Variants in EPHA5 observed in about 807,000 individuals in gnomAD.
The protein encoded by EPHA5 is EPH receptor A5.
In EPHA5, 60 loss-of-function variants were observed where a neutral mutation model predicts 105.0. That is an observed-to-expected ratio of 0.57 (90% CI 0.46 to 0.71). EPHA5 has a LOEUF of 0.71. EPHA5 is among the 30% of genes least tolerant of loss of function. EPHA5 has a pLI of 0.00. For missense variants in EPHA5, 1,218 were observed against 1,274.7 expected, an observed-to-expected ratio of 0.96 and a Z score of 0.68; for synonymous variants, 513 against 449.1, an observed-to-expected ratio of 1.14 and a Z score of -1.80.
intron 5 of EPHA5, among the ~76,000 whole-genome samples, chr4:65,428,271 C>T (rs1038934220): frequency 1.3e-5 from 2 of 151,902 alleles, no homozygotes; most frequent in Admixed American, 6.6e-5. Flanking sequence ...CACAAATGTG[C>T]AATATTATAC....
intron 2 of EPHA5, among the ~76,000 whole-genome samples, chr4:65,622,753 A>G (rs1194006388): frequency 1.3e-5 from 2 of 152,066 alleles, no homozygotes; most frequent in Non-Finnish European, 2.9e-5. Flanking sequence ...ACTCCTGTAT[A>G]AATTCTAGGT....
intron 6 of EPHA5, among the ~76,000 whole-genome samples, chr4:65,415,563 T>G (rs2149024570): frequency 1.3e-5 from 2 of 152,084 alleles, no homozygotes; most frequent in Middle Eastern, 6.8e-3. Context: ...GGTCCAAAAT[T>G]CTCTCTAAAT....
At chr4:65,335,714 C>T (rs1721107045) in intron 15 of EPHA5, among the ~76,000 whole-genome samples, 1 of 151,934 alleles carries the variant, frequency 6.6e-6, no homozygotes, top group Admixed American at 6.6e-5. Flanking sequence ...CCTGGCATGT[C>T]ACACTATTAG....
intron 5 of EPHA5, among the ~76,000 whole-genome samples, chr4:65,466,150 A>G (rs1036460027): frequency 2.6e-5 from 4 of 152,264 alleles, no homozygotes; most frequent in African/African-American, 9.6e-5. Context: ...GTGTGTACAC[A>G]TATGCACATA....
At chr4:65,443,234 G>A (rs1412000494) in intron 5 of EPHA5, among the ~76,000 whole-genome samples, 1 of 151,930 alleles carries the variant, frequency 6.6e-6, no homozygotes, top group Non-Finnish European at 1.5e-5. Flanking sequence ...TTTTTAAAAA[G>A]TGTATCCATA....
At chr4:65,558,677 A>C (rs557226429) in intron 3 of EPHA5, among the ~76,000 whole-genome samples, 1 of 151,886 alleles carries the variant, frequency 6.6e-6, no homozygotes, top group African/African-American at 2.4e-5. Flanking sequence ...ATATCTCCTA[A>C]TGCTCCCTCC....
intron 8 of EPHA5, among the ~76,000 whole-genome samples, chr4:65,389,105 G>T (rs1288519758): frequency 6.6e-6 from 1 of 152,000 alleles, no homozygotes; most frequent in Admixed American, 6.6e-5. Context: ...CTTAAAAGTT[G>T]TCTGAGGAAG....
intron 11 of EPHA5, among the ~76,000 whole-genome samples, chr4:65,358,280 A>C (rs1303912400): frequency 6.6e-6 from 1 of 151,526 alleles, no homozygotes; most frequent in Non-Finnish European, 1.5e-5. Context: ...ATACCACTTA[A>C]GGCTATCAGT....
intron 2 of EPHA5, among the ~76,000 whole-genome samples, chr4:65,640,482 G>T (rs944228202): frequency 7.3e-5 from 11 of 151,578 alleles, no homozygotes; most frequent in African/African-American, 2.7e-4. Flanking sequence ...GAGACAGGGT[G>T]TCCCCGTGTT....
chr4:65,324,718 C>T (rs1719909683), intron 16 of EPHA5, among the ~76,000 whole-genome samples: 3 of 147,710 alleles, frequency 2.0e-5, no homozygotes, highest in Non-Finnish European at 4.5e-5. Flanking sequence ...ATCACCACTA[C>T]ATTGCTTTTA....
intron 5 of EPHA5, among the ~76,000 whole-genome samples, chr4:65,427,705 A>G (rs1479595544): frequency 1.3e-5 from 2 of 152,200 alleles, no homozygotes; most frequent in Non-Finnish European, 1.5e-5. Flanking sequence ...ATTTCCAGAG[A>G]AACATGGGAA....
At chr4:65,360,364 T>C (rs1006665213) in intron 11 of EPHA5, among the ~76,000 whole-genome samples, 2 of 151,632 alleles carry the variant, frequency 1.3e-5, no homozygotes, top group African/African-American at 4.8e-5. Context: ...TAAATGAATG[T>C]TTCTTGTCAA....
intron 2 of EPHA5, among the ~76,000 whole-genome samples, chr4:65,615,899 A>T (rs906672305): frequency 1.3e-5 from 2 of 151,940 alleles, no homozygotes; most frequent in African/African-American, 4.8e-5. Flanking sequence ...ATTAAATCTG[A>T]AATTGCCATT....
chr4:65,506,903 C>T (rs1333312498), intron 3 of EPHA5, among the ~76,000 whole-genome samples: 2 of 152,068 alleles, frequency 1.3e-5, no homozygotes, highest in Non-Finnish European at 2.9e-5. Flanking sequence ...GTTGCCATTG[C>T]TTTTGGTGTT....
At chr4:65,366,111 T>C in intron 9 of EPHA5, 54 bp from the exon 10 acceptor site, 1 of 1,494,638 alleles carries the variant, frequency 6.7e-7, no homozygotes, top group Non-Finnish European at 9.2e-7. Context: ...ATGAGCAAAA[T>C]TATGAACTTT....
chr4:65,416,746 C>T (rs574709136), intron 6 of EPHA5, among the ~76,000 whole-genome samples: 3 of 152,242 alleles, frequency 2.0e-5, no homozygotes, highest in Admixed American at 1.3e-4. Context: ...TGTACATTGG[C>T]TCTCTCTGAG....
intron 1 of EPHA5, among the ~76,000 whole-genome samples, chr4:65,662,058 G>A (rs1749601415): frequency 6.6e-6 from 1 of 152,032 alleles, no homozygotes; most frequent in South Asian, 2.1e-4. Flanking sequence ...AACAGGCAGG[G>A]GCTCTTACCC....
chr4:65,493,380 A>C (rs1051491263), intron 4 of EPHA5, among the ~76,000 whole-genome samples: 1 of 149,844 alleles, frequency 6.7e-6, no homozygotes, highest in South Asian at 2.2e-4. Flanking sequence ...AGATTTAAAA[A>C]CTTTGTATAT....
At chr4:65,650,094 A>C (rs1172441537) in intron 1 of EPHA5, among the ~76,000 whole-genome samples, 1 of 152,226 alleles carries the variant, frequency 6.6e-6, no homozygotes, top group Non-Finnish European at 1.5e-5. Flanking sequence ...AAACTCCTGT[A>C]AATTTGTAAA....
Sources: gnomAD v4.1 joint callset for allele counts (sites outside exome capture counted in the v4.1 genomes callset) on GRCh38, gnomAD v4.1.1 for gene constraint, MANE v1.5 for transcripts, NCBI Gene and HGNC (gene_info 2026-07-23, HGNC 2026-07-21) for gene names.